DHX36: variants seen among roughly 807,000 people sequenced by gnomAD.
DHX36 encodes the protein DEAH-box helicase 36, also known as ATP-dependent DNA/RNA helicase DHX36.
DHX36 carries 50 observed loss-of-function variants against 139.0 expected under a neutral mutation model. That is an observed-to-expected ratio of 0.36 (90% CI 0.29 to 0.46). The LOEUF (loss-of-function observed/expected upper bound fraction) is 0.46, where lower values mean the gene tolerates loss of function less well. DHX36 is among the 20% of genes least tolerant of loss of function. The pLI is 1.00. For missense variants in DHX36, 1,024 were observed against 1,211.3 expected, an observed-to-expected ratio of 0.85 and a Z score of 2.29; for synonymous variants, 425 against 401.9, an observed-to-expected ratio of 1.06 and a Z score of -0.69.
chr3:154,280,269 T>C, intron 22 of DHX36: 1 of 238,488 alleles, frequency 4.2e-6, no homozygotes, highest in East Asian at 8.8e-5. Flanking sequence ...AAATAAAATC[T>C]ACTCTAAGCA....
intron 9 of DHX36, among the ~76,000 whole-genome samples, chr3:154,302,531 C>A (rs952523818): frequency 6.6e-6 from 1 of 151,924 alleles, no homozygotes; most frequent in Non-Finnish European, 1.5e-5. Flanking sequence ...AAAGCCAGTT[C>A]GAAGGTCAGG....
chr3:154,290,759 AT>A (rs889662294), intron 15 of DHX36, among the ~76,000 whole-genome samples: 1 of 151,914 alleles, frequency 6.6e-6, no homozygotes, highest in Non-Finnish European at 1.5e-5. Flanking sequence ...AATCTTAGTT[AT>A]TTTTTCCATG....
chr3:154,312,160 C>T (rs540107436), intron 3 of DHX36: 1 of 152,152 alleles, frequency 6.6e-6, no homozygotes, highest in Admixed American at 6.6e-5. Context: ...AAATCTGGTA[C>T]TGCCATTTTA....
Position 154,304,824 on chromosome 3 carries a change from T to C in DHX36, c.1117A>G (p.Lys373Glu), listed in dbSNP as rs1484707168. The C allele has an allele frequency of 6.4e-7, 1 of 1,567,104 alleles. No homozygotes were observed. The highest frequency in any genetic ancestry group is 1.2e-5 in the South Asian group (1 of 83,146). Residue 373 changes from lysine to glutamate, a missense_variant, in exon 8 of 25, where the codon AAG becomes GAG. Physicochemically the swap from Lys to Glu is moderately conservative, Grantham distance 56 (BLOSUM62 1). This residue lies in a region of DHX36 where 146 missense variants were observed against 215.0 expected (regional missense o/e 0.68). Coordinates refer to ENST00000496811, the MANE Select transcript of DHX36 (RefSeq NM_020865.3). ...TACTCACCAAAATATTCTGAAAACTTTTCTGCATTCAATGTTGCACTCATC... is the reference window on the plus strand; with the variant it reads ...TACTCACCAAAATATTCTGAAAACTCTTCTGCATTCAATGTTGCACTCATC... ...ILMSATLNAE[K>E]FSEYFGNCPM...
In DHX36 at chr3:154,324,362, C is replaced by T. The variant is rs1247186254; in HGVS notation, c.55G>A (p.Gly19Ser). The stretch of plus-strand genomic sequence containing the variant: ...GCTGGCCCCCCTCCATAGCCCCCAC[C>T]GGAGCTGCGGGGACCCCCATCACGG... ...WGRDGGPRSSGGGYGGGPAGG... is the reference protein window; with the variant it reads ...WGRDGGPRSSSGGYGGGPAGG... Residue 19 changes from glycine to serine, a missense_variant, in exon 1 of 25, where the codon GGT (glycine) becomes AGT (serine). By Grantham distance (56) the Gly-to-Ser change is moderately conservative (BLOSUM62 0). This residue lies in a region of DHX36 where 293 missense variants were observed against 274.4 expected (regional missense o/e 1.07). Transcript: ENST00000496811. The T allele has an allele frequency of 6.3e-7, 1 of 1,592,946 alleles. No individual in the cohort carries two copies.
At chr3:154,304,175 TA>T (rs1230490626) in intron 8 of DHX36, among the ~76,000 whole-genome samples, 1 of 152,220 alleles carries the variant, frequency 6.6e-6, no homozygotes, top group Non-Finnish European at 1.5e-5. Context: ...GAACATTTAT[TA>T]AACATAAATA....
chr3:154,283,758 C>A (rs947695543), intron 19 of DHX36, among the ~76,000 whole-genome samples: 2 of 151,808 alleles, frequency 1.3e-5, no homozygotes, highest in African/African-American at 4.8e-5. Flanking sequence ...TGTAGAGCCA[C>A]AGAAAAAAGA....
At chr3:154,301,218 A>C in intron 9 of DHX36, 91 bp from the exon 10 acceptor site, 1 of 1,248,094 alleles carries the variant, frequency 8.0e-7, no homozygotes, top group Non-Finnish European at 1.1e-6. Context: ...GATTTTCAAA[A>C]AGGATTCCAA....
At chr3:154,276,573 G>A (rs757265691) in intron 24 of DHX36, 174 bp downstream of exon 24, 44 of 807,460 alleles carry the variant, frequency 5.4e-5, no homozygotes, top group Non-Finnish European at 8.1e-5. Context: ...TAGAATGGCT[G>A]GTCTGTTACC....
chr3:154,317,628 G>A (rs1250171919), intron 1 of DHX36, among the ~76,000 whole-genome samples: 4 of 152,016 alleles, frequency 2.6e-5, no homozygotes, highest in Non-Finnish European at 5.9e-5. Context: ...TAAAATGGAC[G>A]TAAGTAAGGC....
At position 154,316,183 on chromosome 3, in the gene DHX36, A is replaced by C. The variant is rs750705327; in HGVS notation, c.244-20T>G. 1.2e-6 allele frequency: 2 copies of C among 1,610,948 alleles called. No homozygotes were observed. The highest frequency in any genetic ancestry group is 1.7e-6 in the Non-Finnish European group (2 of 1,178,832). On this transcript the variant is annotated intron_variant, in intron 1 of 24. Transcript: ENST00000496811. ...AGCTCTCTAGTTTGTGCAAAGAAAA[A>C]AGCATCCTTGTCAACATAAGAAAGC...
chr3:154,292,391 T>A (rs1711856530), intron 15 of DHX36, among the ~76,000 whole-genome samples, 160 bp downstream of exon 15: 1 of 152,154 alleles, frequency 6.6e-6, no homozygotes, highest in Non-Finnish European at 1.5e-5. Context: ...CCAAACAAAC[T>A]ACGATTAGAA....
At chr3:154,284,276 G>A (rs2108335739) in intron 19 of DHX36, among the ~76,000 whole-genome samples, 1 of 151,110 alleles carries the variant, frequency 6.6e-6, no homozygotes, top group South Asian at 2.1e-4. Context: ...GCGCCCCGGA[G>A]TTCAAGCAAT....
Position 154,316,052 on chromosome 3 carries a change from G to A in DHX36, c.355C>T (p.Pro119Ser), listed in dbSNP as rs759383912. 23 of 1,612,778 alleles carry A rather than the reference G, an allele frequency of 1.4e-5. No homozygotes were observed. Among genetic ancestry groups the A allele is most frequent in the Non-Finnish European group, 1.7e-5 (20 of 1,179,432 alleles). Residue 119 changes from proline (P) to serine (S), a missense_variant, in exon 2 of 25, where the codon CCT becomes TCT. By Grantham distance (74) the Pro-to-Ser change is moderately conservative. Transcript: ENST00000496811. ...TTCTTGTCGTACCCATGATCCTCAG[G>A]AGCAAACCAGGATATCTGTGCTTCT... The part of the protein sequence containing the change: ...ESEAQISWFA[P>S]EDHGYGTEVS...
chr3:154,282,823 T>C (rs355788), intron 20 of DHX36, among the ~76,000 whole-genome samples: 137,903 of 152,184 alleles, frequency 0.91, 62,715 homozygotes, highest in East Asian at 1. Context: ...TGCTTGCCTG[T>C]GGTGTTTCAC....
intron 19 of DHX36, among the ~76,000 whole-genome samples, 158 bp downstream of exon 19, chr3:154,284,425 C>T (rs997769729): frequency 6.6e-6 from 1 of 152,184 alleles, no homozygotes; most frequent in African/African-American, 2.4e-5. Flanking sequence ...AGGTGATACA[C>T]CTGCCTCAGC....
chr3:154,306,192 A>G (rs1442926485), intron 6 of DHX36, 24 bp downstream of exon 6: 2 of 1,551,744 alleles, frequency 1.3e-6, no homozygotes, highest in Non-Finnish European at 1.8e-6. Context: ...ATCTGCCTGT[A>G]TATAAGAAGT....
At chr3:154,295,922 C>G (rs1712029807) in intron 12 of DHX36, among the ~76,000 whole-genome samples, 1 of 151,876 alleles carries the variant, frequency 6.6e-6, no homozygotes, top group Non-Finnish European at 1.5e-5. Flanking sequence ...CATGCACAAC[C>G]ATGTTTGGCT....
chr3:154,311,882 A>C, intron 3 of DHX36: 2 of 434,434 alleles, frequency 4.6e-6, no homozygotes, highest in Non-Finnish European at 8.0e-6. Context: ...TACATCCAGC[A>C]AAATAGAGAC....
Sources: gnomAD v4.1 joint callset for allele counts (sites outside exome capture counted in the v4.1 genomes callset) on GRCh38, gnomAD v4.1.1 for gene constraint, gnomAD v4.1.1 regional missense constraint, MANE v1.5 for transcripts, NCBI Gene and HGNC (gene_info 2026-07-23, HGNC 2026-07-21) for gene names.